CD200R1: variants seen among roughly 807,000 people sequenced by gnomAD.
The protein encoded by CD200R1 is CD200 receptor 1.
CD200R1 carries 30 observed loss-of-function variants against 38.1 expected under a neutral mutation model. That is an observed-to-expected ratio of 0.79 (90% CI 0.59 to 1.07). The LOEUF (loss-of-function observed/expected upper bound fraction) is 1.07, where lower values mean the gene tolerates loss of function less well. Among genes scored for constraint, CD200R1 ranks in the 50% least tolerant of loss-of-function variants. The pLI is 0.00. For synonymous variants in CD200R1, 128 were observed against 152.1 expected, an observed-to-expected ratio of 0.84 and a Z score of 1.16; for missense variants, 372 against 415.4, an observed-to-expected ratio of 0.90 and a Z score of 0.91.
At chr3:112,970,764 T>C (rs757159909) in intron 1 of CD200R1, among the ~76,000 whole-genome samples, 22 of 152,152 alleles carry the variant, frequency 1.4e-4, no homozygotes, top group Non-Finnish European at 2.8e-4. Flanking sequence ...TTGTTCCCAT[T>C]ACCTTATTGC....
At chr3:112,935,454 C>T (rs1940553145) in intron 2 of CD200R1, among the ~76,000 whole-genome samples, 2 of 151,966 alleles carry the variant, frequency 1.3e-5, no homozygotes, top group African/African-American at 2.4e-5. Flanking sequence ...TATACAAATA[C>T]ATGAAAGTTA....
intron 1 of CD200R1, among the ~76,000 whole-genome samples, chr3:112,965,710 G>A (rs542516721): frequency 1.1e-3 from 161 of 152,114 alleles, no homozygotes; most frequent in Middle Eastern, 0.01. Flanking sequence ...GCAGTTAGCC[G>A]AGATCGCACC....
At position 112,922,303 on chromosome 3, in the gene CD200R1, A is replaced by T. The variant is rs1279519788; in HGVS notation, c.*1374T>A. 1.3e-5 allele frequency: 2 copies of T among 152,006 alleles called. No individual in the cohort carries two copies. Among genetic ancestry groups the T allele is most frequent in the East Asian group, 3.9e-4 (2 of 5,178 alleles). 9.4% of individuals were successfully genotyped at this position (152,006 alleles called of 1,614,324 possible). Reference sequence around the variant, plus strand: ...TCTCATGTTTTTTCTGCTATGGAGCAAATAGACTTATGTTTTTAATTAAAA... The same window carrying T: ...TCTCATGTTTTTTCTGCTATGGAGCTAATAGACTTATGTTTTTAATTAAAA... On this transcript the variant is annotated 3_prime_UTR_variant, in exon 8 of 8. Transcript: ENST00000308611.
chr3:112,955,790 A>AG (rs1941084800), intron 1 of CD200R1, among the ~76,000 whole-genome samples: 1 of 119,866 alleles, frequency 8.3e-6, no homozygotes, highest in East Asian at 2.3e-4. Flanking sequence ...AGGGTTTTTC[A>AG]TTTTTTTTTT....
intron 1 of CD200R1, among the ~76,000 whole-genome samples, chr3:112,948,346 T>C (rs756800032): frequency 6.6e-6 from 1 of 152,172 alleles, no homozygotes; most frequent in African/African-American, 2.4e-5. Flanking sequence ...AGTCACATCA[T>C]AGAATCTATG....
At chr3:112,971,994 C>G (rs572951291) in intron 1 of CD200R1, among the ~76,000 whole-genome samples, 2 of 152,278 alleles carry the variant, frequency 1.3e-5, no homozygotes, top group East Asian at 3.9e-4. Context: ...GTTTCATATA[C>G]AATTTCAAGA....
intron 1 of CD200R1, among the ~76,000 whole-genome samples, chr3:112,968,242 C>T (rs1933215886): frequency 6.6e-6 from 1 of 152,106 alleles, no homozygotes; most frequent in African/African-American, 2.4e-5. Flanking sequence ...ACATTCAATG[C>T]ATGGGTAACA....
chr3:112,929,142 G>A (rs190743198), intron 4 of CD200R1, 48 bp downstream of exon 4: 929 of 1,612,296 alleles, frequency 5.8e-4, no homozygotes, highest in Non-Finnish European at 6.9e-4. Context: ...ATTTGTTTCC[G>A]TCACAAATCT....
intron 2 of CD200R1, among the ~76,000 whole-genome samples, chr3:112,940,588 T>C (rs2107317294): frequency 1.3e-5 from 2 of 151,924 alleles, no homozygotes; most frequent in Middle Eastern, 6.8e-3. Context: ...GAAATGTCAA[T>C]TAAAATCACA....
At chr3:112,931,370 ATACT>A (rs34122629) in intron 2 of CD200R1, among the ~76,000 whole-genome samples, 199 bp from the exon 3 acceptor site, 88,788 of 151,476 alleles carry the variant, frequency 0.59, 26,386 homozygotes, top group African/African-American at 0.69. Flanking sequence ...CCTGAAAATT[ATACT>A]TAAGTAATCA....
At chr3:112,951,778 C>A (rs769963112) in intron 1 of CD200R1, among the ~76,000 whole-genome samples, 23 of 143,344 alleles carry the variant, frequency 1.6e-4, no homozygotes, top group Middle Eastern at 4.1e-3. Context: ...AAAATGTTTA[C>A]AATAATGCAA....
intron 1 of CD200R1, among the ~76,000 whole-genome samples, chr3:112,964,895 C>T (rs11916683): frequency 1.3e-5 from 2 of 152,124 alleles, no homozygotes; most frequent in Admixed American, 1.3e-4. Context: ...AGGTCTTTCC[C>T]ATGCTGTTCT....
At chr3:112,962,990 A>C (rs886635259) in intron 1 of CD200R1, among the ~76,000 whole-genome samples, 2 of 152,302 alleles carry the variant, frequency 1.3e-5, no homozygotes, top group East Asian at 3.9e-4. Context: ...GGTCTTTCCC[A>C]TGCTGTTCTC....
At chr3:112,926,494 C>A (rs948633613) in intron 5 of CD200R1, among the ~76,000 whole-genome samples, 2 of 152,114 alleles carry the variant, frequency 1.3e-5, no homozygotes, top group African/African-American at 4.8e-5. Context: ...GAAGATCCAC[C>A]GTGCAAGGAA....
At chr3:112,952,806 A>G (rs1432214132) in intron 1 of CD200R1, among the ~76,000 whole-genome samples, 1 of 152,080 alleles carries the variant, frequency 6.6e-6, no homozygotes, top group East Asian at 1.9e-4. Context: ...AAATAAATAA[A>G]TAAATAATTT....
Position 112,924,480 on chromosome 3 carries a change from C to A in CD200R1, c.924+10G>T. Reference sequence around the variant, plus strand: ...TAAGTTTGCAATTAGTCTTTTTTATCTTATCTTACCTCCTCAACAACTGGA... The same window carrying A: ...TAAGTTTGCAATTAGTCTTTTTTATATTATCTTACCTCCTCAACAACTGGA... On this transcript the variant is annotated intron_variant, in intron 7 of 7. Coordinates refer to ENST00000308611, the MANE Select transcript of CD200R1 (RefSeq NM_138806.4). The A allele has an allele frequency of 7.6e-7, 1 of 1,323,360 alleles. No individual in the cohort carries two copies. The highest frequency in any genetic ancestry group is 1.9e-5 in the South Asian group (1 of 51,600). 82.0% of individuals were successfully genotyped at this position (1,323,360 alleles called of 1,614,324 possible). A position where few individuals can be genotyped will look rare whatever the true frequency, so the allele number is the denominator to read the frequency against.
intron 2 of CD200R1, among the ~76,000 whole-genome samples, chr3:112,936,327 G>A (rs1246509725): frequency 6.6e-6 from 1 of 152,148 alleles, no homozygotes; most frequent in Non-Finnish European, 1.5e-5. Context: ...CCAGTAATCA[G>A]ATTGCCGAGT....
At chr3:112,939,711 C>T (rs552470412) in intron 2 of CD200R1, among the ~76,000 whole-genome samples, 10 of 151,760 alleles carry the variant, frequency 6.6e-5, no homozygotes, top group Admixed American at 3.9e-4. Flanking sequence ...AATGCCCATA[C>T]TACCCAAAGT....
chr3:112,930,195 G>A (rs938685198), intron 3 of CD200R1, among the ~76,000 whole-genome samples: 2 of 151,520 alleles, frequency 1.3e-5, no homozygotes, highest in South Asian at 2.1e-4. Flanking sequence ...GATAAGAGAT[G>A]CTTAGAAATA....
Sources: allele counts gnomAD v4.1 joint callset (sites outside exome capture counted in the v4.1 genomes callset), GRCh38; gene constraint gnomAD v4.1.1; transcripts MANE v1.5; gene names NCBI Gene and HGNC (gene_info 2026-07-23, HGNC 2026-07-21).